The following CSMD1 variants were observed in gnomAD, a reference collection of about 807,000 sequenced individuals.
CSMD1 encodes the protein CUB and Sushi multiple domains 1, also known as CUB and sushi domain-containing protein 1.
Under a neutral mutation model 417.5 loss-of-function variants are expected in CSMD1, and 213 were observed. That is an observed-to-expected ratio of 0.51 (90% CI 0.46 to 0.57). The LOEUF (loss-of-function observed/expected upper bound fraction) is 0.57, where lower values mean the gene tolerates loss of function less well. Among genes scored for constraint, CSMD1 ranks in the 20% least tolerant of loss-of-function variants. The probability of loss-of-function intolerance (pLI) is 0.00; values close to 1 mark genes in which losing one functional copy is unlikely to be tolerated. For synonymous variants in CSMD1, 2,862 were observed against 1,736.8 expected (o/e 1.65, Z -16.11); for missense variants, 6,923 against 4,529.7 (o/e 1.53, Z -15.17).
At chr8:4,116,075 T>C (rs75094139) in intron 3 of CSMD1, among the ~76,000 whole-genome samples, 1 of 151,926 alleles carries the variant, frequency 6.6e-6, no homozygotes, top group Non-Finnish European at 1.5e-5. Context: ...CTTGGCTCAC[T>C]GCAACCTCCG....
intron 1 of CSMD1, among the ~76,000 whole-genome samples, chr8:4,841,928 A>AAAAAAAAAAAAC: frequency 6.9e-6 from 1 of 144,506 alleles, no homozygotes; most frequent in African/African-American, 2.6e-5. Flanking sequence ...AAAAAAAAAA[A>AAAAAAAAAAAAC]AAAAAAAAAA....
At chr8:4,503,925 T>A (rs1802389437) in intron 2 of CSMD1, among the ~76,000 whole-genome samples, 1 of 149,350 alleles carries the variant, frequency 6.7e-6, no homozygotes, top group South Asian at 2.1e-4. Flanking sequence ...AACCGAGGTC[T>A]GTAATGGAAT....
chr8:3,494,701 AG>A (rs1335631112), intron 10 of CSMD1, among the ~76,000 whole-genome samples: 258 of 11,622 alleles, frequency 0.022, no homozygotes, highest in African/African-American at 0.042. Context: ...TATAAATGAG[AG>A]AGAGAGAGAT....
chr8:3,892,516 G>C (rs1263022719), intron 5 of CSMD1, among the ~76,000 whole-genome samples: 1 of 140,332 alleles, frequency 7.1e-6, no homozygotes, highest in Non-Finnish European at 1.5e-5. Flanking sequence ...CCAATCCTAT[G>C]TTAGAGGAAT....
intron 3 of CSMD1, among the ~76,000 whole-genome samples, chr8:4,061,529 T>G (rs1198645588): frequency 6.6e-6 from 1 of 152,190 alleles, no homozygotes; most frequent in Non-Finnish European, 1.5e-5. Context: ...TGGGAGAAGC[T>G]GCAGTGAAGA....
rs569009437 is a variant in CSMD1, at chr8:4,285,170, A to G, written c.415+134783T>C. Among the ~76,000 whole-genome samples the G allele has an allele frequency of 2.6e-5, 4 of 152,302 alleles. No homozygotes were observed. The South Asian group carries it at 8.3e-4, about 32-fold the overall frequency. On this transcript the variant is annotated intron_variant, in intron 3 of 69. Coordinates refer to ENST00000635120, the MANE Select transcript of CSMD1 (RefSeq NM_033225.6). ...GGTTGTCCACAAGTTTTACTCCATG[A>G]ATTTTATGTTTTTGTATGTCAAGGA... is the stretch of plus-strand genomic sequence containing the variant.
chr8:3,195,200 C>G (rs2098236052), intron 33 of CSMD1, among the ~76,000 whole-genome samples: 2 of 152,114 alleles, frequency 1.3e-5, no homozygotes, highest in Non-Finnish European at 2.9e-5. Flanking sequence ...TACTCTCCAA[C>G]ATGAAGGTTT....
At chr8:4,677,257 T>C (rs1341617585) in intron 1 of CSMD1, among the ~76,000 whole-genome samples, 1 of 151,778 alleles carries the variant, frequency 6.6e-6, no homozygotes, top group East Asian at 1.9e-4. Context: ...ATAATTCTAC[T>C]TTGTTGAAGG....
chr8:4,291,506 A>G (rs960392085), intron 3 of CSMD1, among the ~76,000 whole-genome samples: 5 of 152,128 alleles, frequency 3.3e-5, no homozygotes, highest in Non-Finnish European at 7.4e-5. Flanking sequence ...CTGACATTTC[A>G]CTTGTTTTCG....
intron 1 of CSMD1, among the ~76,000 whole-genome samples, chr8:4,847,074 T>C (rs936817926): frequency 2.0e-5 from 3 of 152,154 alleles, no homozygotes; most frequent in South Asian, 2.1e-4. Flanking sequence ...TTTGTCAAAA[T>C]AGGGCACCAC....
intron 3 of CSMD1, among the ~76,000 whole-genome samples, chr8:4,414,232 G>C (rs1434872834): frequency 2.0e-5 from 3 of 152,072 alleles, no homozygotes; most frequent in Non-Finnish European, 4.4e-5. Context: ...CATGCTTGAG[G>C]GATGTGTCAG....
chr8:3,384,684 T>TATATATTTATATAA (rs1810862113), intron 18 of CSMD1, among the ~76,000 whole-genome samples: 1 of 125,872 alleles, frequency 7.9e-6, no homozygotes, highest in African/African-American at 3.0e-5. Context: ...TATATATAAA[T>TATATATTTATATAA]ATATATTTAT....
chr8:3,027,011 A>G (rs942638547), intron 51 of CSMD1, among the ~76,000 whole-genome samples: 2 of 152,170 alleles, frequency 1.3e-5, no homozygotes, highest in Non-Finnish European at 2.9e-5. Context: ...CAGCATCCCA[A>G]TTTAAACAAA....
At chr8:4,811,625 AT>A (rs1798913688) in intron 1 of CSMD1, among the ~76,000 whole-genome samples, 1 of 152,084 alleles carries the variant, frequency 6.6e-6, no homozygotes, top group Admixed American at 6.6e-5. Flanking sequence ...TCACTTCAAA[AT>A]TTTGATGGGG....
intron 3 of CSMD1, among the ~76,000 whole-genome samples, chr8:4,210,378 C>T (rs761463340): frequency 4.6e-5 from 7 of 152,204 alleles, no homozygotes; most frequent in Admixed American, 1.3e-4. Context: ...TCAAATCCAA[C>T]TTTTTCTTCT....
At chr8:4,006,823 A>ATTTTTTTTTTTTTTTTTTTTTTTTTT (rs759780050) in intron 4 of CSMD1, among the ~76,000 whole-genome samples, 1 of 95,960 alleles carries the variant, frequency 1.0e-5, no homozygotes. Context: ...GACTTTTCCT[A>ATTTTTTTTTTTTTTTTTTTTTTTTTT]TTTTTTTTTT....
At chr8:3,706,362 G>T (rs1191388673) in intron 7 of CSMD1, among the ~76,000 whole-genome samples, 1 of 152,218 alleles carries the variant, frequency 6.6e-6, no homozygotes, top group Non-Finnish European at 1.5e-5. Context: ...CCTTTCATCA[G>T]TGAAACAATT....
intron 3 of CSMD1, among the ~76,000 whole-genome samples, chr8:4,345,040 C>G (rs1800701635): frequency 6.6e-6 from 1 of 152,070 alleles, no homozygotes; most frequent in South Asian, 2.1e-4. Flanking sequence ...TAACATCAAG[C>G]TCAGAATTCT....
chr8:4,882,657 G>A (rs1186538552), intron 1 of CSMD1, among the ~76,000 whole-genome samples: 1 of 151,868 alleles, frequency 6.6e-6, no homozygotes, highest in Non-Finnish European at 1.5e-5. Context: ...GTACAACGTT[G>A]TAGACTCTTC....
Sources: allele counts gnomAD v4.1 joint callset (sites outside exome capture counted in the v4.1 genomes callset), GRCh38; gene constraint gnomAD v4.1.1; transcripts MANE v1.5; gene names NCBI Gene and HGNC (gene_info 2026-07-23, HGNC 2026-07-21).